The following FREM2 variants were observed in gnomAD, a reference collection of about 807,000 sequenced individuals.
FREM2 encodes FRAS1 related extracellular matrix 2, also known as FRAS1-related extracellular matrix protein 2.
In FREM2, 119 loss-of-function variants were observed where a neutral mutation model predicts 219.9. The observed-to-expected ratio is 0.54, with a 90% CI of 0.47 to 0.63. The LOEUF (loss-of-function observed/expected upper bound fraction) is 0.63, where lower values mean the gene tolerates loss of function less well. Among genes scored for constraint, FREM2 ranks in the 30% least tolerant of loss-of-function variants. The pLI is 0.00. For synonymous variants in FREM2, 1,562 were observed against 1,522.8 expected (o/e 1.03, Z -0.60); for missense variants, 4,030 against 3,993.6 (o/e 1.01, Z -0.25).
Position 38,850,027 on chromosome 13 carries a change from T to G in FREM2, c.6380-11T>G. On this transcript the variant is annotated splice_polypyrimidine_tract_variant and intron_variant, in intron 8 of 23. Coordinates refer to ENST00000280481, the MANE Select transcript of FREM2 (RefSeq NM_207361.6). ...GAAATTTCTGTTCACTTTAATCCTT[T>G]GTTTTTGCAGTGCCTAAGATGCAAT... is the stretch of plus-strand genomic sequence containing the variant. The G allele has an allele frequency of 1.2e-6, 2 of 1,611,370 alleles. No individual in the cohort carries two copies. The highest frequency in any genetic ancestry group is 1.7e-6 in the Non-Finnish European group (2 of 1,177,604).
In FREM2 at chr13:38,880,576, G is replaced by C. The variant is rs1014183281; in HGVS notation, c.9299G>C (p.Trp3100Ser). Residue 3100 changes from tryptophan (W) to serine (S), a missense_variant, in exon 24 of 24, where the codon TGG becomes TCG. Coordinates refer to ENST00000280481, the MANE Select transcript of FREM2 (RefSeq NM_207361.6). ...GCACCTCCAGATGGCATCCTCCCCT[G>C]GGAGCTCAACAGCCCCAGCTCTGCA... is the stretch of plus-strand genomic sequence containing the variant. The part of the protein sequence containing the change: ...GRAPPDGILP[W>S]ELNSPSSAVS... The C allele has an allele frequency of 1.2e-6, 2 of 1,614,062 alleles. No homozygotes were observed. Among genetic ancestry groups the C allele is most frequent in the African/African-American group, 1.3e-5 (1 of 75,056 alleles).
chr13:38,796,784 A>G (rs986812009), intron 6 of FREM2, among the ~76,000 whole-genome samples: 2 of 152,196 alleles, frequency 1.3e-5, no homozygotes, highest in Non-Finnish European at 2.9e-5. Flanking sequence ...ATAAATACCT[A>G]GTGCTAGGAT....
At chr13:38,816,021 G>A (rs1484588170) in intron 6 of FREM2, among the ~76,000 whole-genome samples, 1 of 152,108 alleles carries the variant, frequency 6.6e-6, no homozygotes, top group Non-Finnish European at 1.5e-5. Flanking sequence ...AACCTGTCAA[G>A]ATTGAACCAT....
chr13:38,746,395 G>T (rs1030860411), intron 2 of FREM2, among the ~76,000 whole-genome samples: 2 of 152,074 alleles, frequency 1.3e-5, no homozygotes, highest in African/African-American at 4.8e-5. Flanking sequence ...TCAAGATTTT[G>T]CCATAACACA....
chr13:38,737,138 T>C (rs751486606), intron 2 of FREM2, among the ~76,000 whole-genome samples: 1 of 152,200 alleles, frequency 6.6e-6, no homozygotes. Context: ...TTCTGTCCTG[T>C]CTTCCCTTTG....
In FREM2 at chr13:38,882,398, T is replaced by C. The variant is rs1357184251; in HGVS notation, c.*1611T>C. 2.6e-5 allele frequency: 4 copies of C among 152,150 alleles called. No individual in the cohort carries two copies. The East Asian group carries it at 7.7e-4, about 29-fold the overall frequency. The allele number at this position is 152,150 out of a possible 1,614,324, so 9.4% of individuals were successfully genotyped here. ...CTTCTCAGAACAGATGTGCACATCT[T>C]AATTTGGTGTCTGTAAGTATCAACC... is the stretch of plus-strand genomic sequence containing the variant. On this transcript the variant is annotated 3_prime_UTR_variant, in exon 24 of 24. Coordinates refer to ENST00000280481, the MANE Select transcript of FREM2 (RefSeq NM_207361.6).
At chr13:38,867,776 A>G (rs889760185) in intron 16 of FREM2, among the ~76,000 whole-genome samples, 1 of 152,212 alleles carries the variant, frequency 6.6e-6, no homozygotes, top group Non-Finnish European at 1.5e-5. Context: ...AGAAAGAGAG[A>G]GAGATAATTC....
intron 6 of FREM2, among the ~76,000 whole-genome samples, chr13:38,842,622 C>CT (rs2137901848): frequency 6.6e-6 from 1 of 152,328 alleles, no homozygotes; most frequent in Admixed American, 6.5e-5. Context: ...TTGGTTAGAT[C>CT]TACAAAGCTT....
Position 38,846,570 on chromosome 13 carries a change from C to T in FREM2, c.6020-3C>T. 6.2e-7 allele frequency: 1 copy of T among 1,613,196 alleles called. No individual in the cohort carries two copies. The highest frequency in any genetic ancestry group is 1.1e-5 in the South Asian group (1 of 91,060). On this transcript the variant is annotated splice_region_variant and splice_polypyrimidine_tract_variant and intron_variant, in intron 6 of 23. Coordinates refer to ENST00000280481, the MANE Select transcript of FREM2 (RefSeq NM_207361.6). ...GAAATGATTTCTGTTCCTTTCTTAACAGAACCCATCTTTTACTTCGGTGAT... is the reference window on the plus strand; with the variant it reads ...GAAATGATTTCTGTTCCTTTCTTAATAGAACCCATCTTTTACTTCGGTGAT...
rs746989399 is a variant in FREM2 at position 38,691,660 on chromosome 13, T to C, written c.4316T>C (p.Leu1439Pro). 1 of 1,614,202 alleles carries C rather than the reference T, an allele frequency of 6.2e-7. No individual in the cohort carries two copies. Among genetic ancestry groups the C allele is most frequent in the Non-Finnish European group, 8.5e-7 (1 of 1,180,036 alleles). Residue 1439 changes from leucine (L) to proline (P), a missense_variant, in exon 1 of 24, where the codon CTT becomes CCT. Leu to Pro is a moderately conservative substitution (Grantham distance 98). Coordinates refer to ENST00000280481, the MANE Select transcript of FREM2 (RefSeq NM_207361.6). ...TTGAAAGAAGGTGGCAAAGTCACTC[T>C]TACAACAGACCTACTAAGCACTAGT... ...VSLKEGGKVT[L>P]TTDLLSTSDL...
chr13:38,746,492 G>C (rs550926642), intron 2 of FREM2, among the ~76,000 whole-genome samples: 1 of 152,240 alleles, frequency 6.6e-6, no homozygotes, highest in Admixed American at 6.5e-5. Context: ...GCCAGTGGGT[G>C]GGAGGCAGAG....
At position 38,752,467 on chromosome 13, in the gene FREM2, T is replaced by C. The variant is rs149929685; in HGVS notation, c.5264-11837T>C. 6.6e-4 allele frequency among the ~76,000 whole-genome samples: 100 copies of C among 152,324 alleles called. 1 individual carries two copies. Among genetic ancestry groups the C allele is most frequent in the African/African-American group, 2.3e-3 (95 of 41,572 alleles). ...GGAAGTTCCTATTTCTAATTTTCAA[T>C]CTAATTTTCTGGGATTCTGAGTTAA... is the stretch of plus-strand genomic sequence containing the variant. On this transcript the variant is annotated intron_variant, in intron 2 of 23. Transcript: ENST00000280481.
rs1260400980 is a variant in FREM2, at chr13:38,853,723, T to C, written c.6925+1855T>C. Among the ~76,000 whole-genome samples the C allele has an allele frequency of 2.6e-5, 4 of 152,178 alleles. No homozygotes were observed. The South Asian group carries it at 6.2e-4, about 24-fold the overall frequency. On this transcript the variant is annotated intron_variant, in intron 11 of 23. Transcript: ENST00000280481. ...AGATTATTCTCTATGTAAAACAAAA[T>C]ATATATTTGAAATAAATCACATGTA...
chr13:38,712,676 A>AC (rs1491161435), intron 2 of FREM2, among the ~76,000 whole-genome samples: 1 of 139,896 alleles, frequency 7.1e-6, no homozygotes. Context: ...ACACACACAC[A>AC]AACACACACA....
chr13:38,814,958 A>G (rs888687307), intron 6 of FREM2, among the ~76,000 whole-genome samples: 3 of 152,144 alleles, frequency 2.0e-5, no homozygotes, highest in Non-Finnish European at 4.4e-5. Context: ...CTCAGCCTTC[A>G]GGACAGTGGG....
At chr13:38,867,343 T>G (rs548184639) in intron 16 of FREM2, among the ~76,000 whole-genome samples, 40 of 152,360 alleles carry the variant, frequency 2.6e-4, no homozygotes, top group African/African-American at 9.6e-4. Flanking sequence ...AGCATAACCA[T>G]CATGATCAAT....
rs1162801040 is a variant in FREM2, at chr13:38,700,093, A to G, written c.5263+2306A>G. On this transcript the variant is annotated intron_variant, in intron 2 of 23. Coordinates refer to ENST00000280481, the MANE Select transcript of FREM2 (RefSeq NM_207361.6). ...CGTGATTGATTTTATAACAGTAACT[A>G]TCTAAGGAAATTAGTGGGGCAACCA... 3.3e-5 allele frequency among the ~76,000 whole-genome samples: 5 copies of G among 152,110 alleles called. No individual in the cohort carries two copies. In the East Asian group the frequency reaches 9.6e-4, roughly 29 times the overall value.
intron 6 of FREM2, among the ~76,000 whole-genome samples, chr13:38,830,075 TAA>T (rs1039173180): frequency 6.6e-6 from 1 of 152,116 alleles, no homozygotes; most frequent in Non-Finnish European, 1.5e-5. Flanking sequence ...TAATCTTCTC[TAA>T]AAGAAGACAC....
At chr13:38,719,107 A>G (rs2496440) in intron 2 of FREM2, among the ~76,000 whole-genome samples, 122,470 of 152,192 alleles carry the variant, frequency 0.8, 50,062 homozygotes, top group South Asian at 0.9. Flanking sequence ...GGCTGTGTTC[A>G]TCTGGAAGCC....
Sources: gnomAD v4.1 joint callset for allele counts (sites outside exome capture counted in the v4.1 genomes callset) on GRCh38, gnomAD v4.1.1 for gene constraint, MANE v1.5 for transcripts, NCBI Gene and HGNC (gene_info 2026-07-23, HGNC 2026-07-21) for gene names.